The following ACOT7 variants were observed in gnomAD, a reference collection of about 807,000 sequenced individuals.
ACOT7 encodes the protein acyl-CoA thioesterase 7.
Under a neutral mutation model 40.2 loss-of-function variants are expected in ACOT7, and 12 were observed. That is an observed-to-expected ratio of 0.30 (90% CI 0.19 to 0.48). ACOT7 has a LOEUF of 0.48. ACOT7 is among the 20% of genes least tolerant of loss of function. The pLI is 0.99. For missense variants in ACOT7, 395 were observed against 530.8 expected (o/e 0.74, Z 2.51); for synonymous variants, 228 against 219.5 (o/e 1.04, Z -0.34).
rs1284265593 is a variant in ACOT7, at chr1:6,289,388, C to T, written c.829+5476G>A. On this transcript the variant is annotated intron_variant, in intron 7 of 8. Coordinates refer to ENST00000361521, the MANE Select transcript of ACOT7 (RefSeq NM_007274.4). The surrounding 1 kb of genome is among the most constrained non-coding windows in gnomAD (Gnocchi z 4.6). ...GTGCTGGGATTACAGGAGTGAGCCA[C>T]CACGCCCAGCCTGTTTTTGTTTTTT... Among the ~76,000 whole-genome samples the T allele has an allele frequency of 1.3e-5, 2 of 152,062 alleles. No homozygotes were observed. The highest frequency in any genetic ancestry group is 1.5e-5 in the Non-Finnish European group (1 of 68,022).
chr1:6,362,502 G>C (rs184899878), intron 1 of ACOT7, among the ~76,000 whole-genome samples: 56 of 151,766 alleles, frequency 3.7e-4, no homozygotes, highest in African/African-American at 1.3e-3. Flanking sequence ...TACCTACCCA[G>C]GCAGCCAAGC....
chr1:6,299,291 A>G lies in ACOT7; in HGVS notation c.713-4311T>C, dbSNP rs1639898777. 6.6e-6 allele frequency among the ~76,000 whole-genome samples: 1 copy of G among 152,274 alleles called. No individual in the cohort carries two copies. The highest frequency in any genetic ancestry group is 2.1e-4 in the South Asian group (1 of 4,832). On this transcript the variant is annotated intron_variant, in intron 6 of 8. Transcript: ENST00000361521. The surrounding 1 kb of genome is among the most constrained non-coding windows in gnomAD (Gnocchi z 4.1). ...CATGGGATGTGGGGATTTGGTGGAC[A>G]TCTGTTGAGCTGAACACTAATTTAA...
rs1641725618 is a variant in ACOT7 at position 6,355,756 on chromosome 1, A to C, written c.144-5890T>G. On this transcript the variant is annotated intron_variant, in intron 1 of 8. Transcript: ENST00000361521. The surrounding 1 kb of genome is among the most constrained non-coding windows in gnomAD (Gnocchi z 5.0). ...CTCATCACACCAGAGGCCGGCCAGC[A>C]CTCATCCCAAGAGCGCCTACAGCAG... 6.6e-6 allele frequency among the ~76,000 whole-genome samples: 1 copy of C among 152,194 alleles called. No homozygotes were observed. Among genetic ancestry groups the C allele is most frequent in the Non-Finnish European group, 1.5e-5 (1 of 68,022 alleles).
At chr1:6,276,332 G>A (rs1250002734) in intron 8 of ACOT7, among the ~76,000 whole-genome samples, 1 of 152,076 alleles carries the variant, frequency 6.6e-6, no homozygotes, top group African/African-American at 2.4e-5. Context: ...CTCCCCACAA[G>A]CCACTTCTCC....
Position 6,274,003 on chromosome 1 carries a change from C to T in ACOT7, c.1014+7099G>A, listed in dbSNP as rs1036510022. ...CCGGACCTCTCTTCTTGTCCTGGTC[C>T]GGCCTGGACACGGTCAGGAATGGCC... On this transcript the variant is annotated intron_variant, in intron 8 of 8. Transcript: ENST00000361521. The surrounding 1 kb of genome is among the most constrained non-coding windows in gnomAD (Gnocchi z 5.9). Among the ~76,000 whole-genome samples, 6 of 152,176 alleles carry T rather than the reference C, an allele frequency of 3.9e-5. No individual in the cohort carries two copies. The highest frequency in any genetic ancestry group is 1.4e-4 in the African/African-American group (6 of 41,436).
intron 6 of ACOT7, chr1:6,295,469 G>A (rs1255166137): frequency 1.3e-5 from 2 of 154,276 alleles, no homozygotes; most frequent in African/African-American, 4.8e-5. Flanking sequence ...CAGATACCCA[G>A]AAGAAATACA....
chr1:6,322,505 C>G (rs955703537), intron 5 of ACOT7, among the ~76,000 whole-genome samples: 1 of 152,218 alleles, frequency 6.6e-6, no homozygotes. Flanking sequence ...GCGCCTTAAG[C>G]GGCAGAAATT....
chr1:6,347,053 C>A (rs1477407483), intron 2 of ACOT7, among the ~76,000 whole-genome samples: 1 of 152,146 alleles, frequency 6.6e-6, no homozygotes, highest in Non-Finnish European at 1.5e-5. Flanking sequence ...GAGGCCCCAG[C>A]CAGAGACAGA....
chr1:6,376,178 C>G (rs1032093301), intron 1 of ACOT7, among the ~76,000 whole-genome samples: 2 of 151,926 alleles, frequency 1.3e-5, no homozygotes, highest in African/African-American at 4.8e-5. Flanking sequence ...TCACTTGAAC[C>G]TGGGAGTCAG....
intron 2 of ACOT7, among the ~76,000 whole-genome samples, chr1:6,344,932 T>C (rs1186692412): frequency 6.6e-6 from 1 of 152,122 alleles, no homozygotes; most frequent in Non-Finnish European, 1.5e-5. Flanking sequence ...GCTCTGTGTG[T>C]CTGATGGGTA....
Position 6,284,302 on chromosome 1 carries a change from C to T in ACOT7, c.830-3016G>A, listed in dbSNP as rs561598899. 9.5e-3 allele frequency among the ~76,000 whole-genome samples: 1,449 copies of T among 152,192 alleles called. 26 individuals are homozygous for T. The highest frequency in any genetic ancestry group is 0.032 in the African/African-American group (1,318 of 41,514). ...TGAAGAATTCCAGCTACAGACCGGG[C>T]GCAGTGGCTCATACCTGTAATCCCA... On this transcript the variant is annotated intron_variant, in intron 7 of 8. Transcript: ENST00000361521.
rs1191251708 is a variant in ACOT7, at chr1:6,359,146, C to T, written c.144-9280G>A. Reference sequence around the variant, plus strand: ...CCAGGAGATCAGGAAGGCAGAGGGGCCGCTGCTGAGCGGCCTCAGGGAAGC... The same window carrying T: ...CCAGGAGATCAGGAAGGCAGAGGGGTCGCTGCTGAGCGGCCTCAGGGAAGC... On this transcript the variant is annotated intron_variant, in intron 1 of 8. Transcript: ENST00000361521. The surrounding 1 kb of genome is among the most constrained non-coding windows in gnomAD (Gnocchi z 4.1). The T allele has an allele frequency of 6.7e-6, 2 of 298,108 alleles. No homozygotes were observed. Among genetic ancestry groups the T allele is most frequent in the South Asian group, 4.5e-5 (1 of 22,158 alleles). The allele number at this position is 298,108 out of a possible 1,614,324, so 18.5% of individuals were successfully genotyped here.
chr1:6,288,781 C>T lies in ACOT7; in HGVS notation c.829+6083G>A, dbSNP rs971755353. On this transcript the variant is annotated intron_variant, in intron 7 of 8. Transcript: ENST00000361521. The surrounding 1 kb of genome is among the most constrained non-coding windows in gnomAD (Gnocchi z 4.3). ...AGGCCTCTCCCAGCCACGACAAGTG[C>T]CCCAAGTTCGTAAGTTCCTCCTAGG... Among the ~76,000 whole-genome samples the T allele has an allele frequency of 6.6e-6, 1 of 152,206 alleles. No individual in the cohort carries two copies. The highest frequency in any genetic ancestry group is 2.4e-5 in the African/African-American group (1 of 41,464).
chr1:6,382,841 A>G (rs952368107), intron 1 of ACOT7, among the ~76,000 whole-genome samples: 2 of 151,634 alleles, frequency 1.3e-5, no homozygotes, highest in Middle Eastern at 3.2e-3. Context: ...CATCTTAACC[A>G]TATACATATA....
At chr1:6,381,236 G>A (rs1452932051) in intron 1 of ACOT7, among the ~76,000 whole-genome samples, 4 of 151,482 alleles carry the variant, frequency 2.6e-5, no homozygotes, top group Admixed American at 6.6e-5. Flanking sequence ...GATACACAAG[G>A]ATATGTATAT....
intron 1 of ACOT7, among the ~76,000 whole-genome samples, chr1:6,371,086 G>A (rs1421558388): frequency 6.6e-6 from 1 of 152,184 alleles, no homozygotes; most frequent in African/African-American, 2.4e-5. Flanking sequence ...TGGGATTACA[G>A]GCGTGAGCCA....
At chr1:6,367,661 G>A (rs955028627) in intron 1 of ACOT7, among the ~76,000 whole-genome samples, 3 of 152,300 alleles carry the variant, frequency 2.0e-5, no homozygotes, top group South Asian at 2.1e-4. Context: ...GCTTGGTGAC[G>A]CCAGGAACTG....
chr1:6,270,718 G>C (rs571138884), intron 8 of ACOT7, among the ~76,000 whole-genome samples: 1 of 152,186 alleles, frequency 6.6e-6, no homozygotes, highest in Non-Finnish European at 1.5e-5. Flanking sequence ...GAGCTCCTAC[G>C]TGTGTGTGCA....
intron 2 of ACOT7, among the ~76,000 whole-genome samples, chr1:6,343,708 A>C (rs1051430472): frequency 3.3e-5 from 5 of 152,280 alleles, no homozygotes; most frequent in African/African-American, 1.2e-4. Context: ...GGAAGGAGCC[A>C]AGCACTGTCT....
Sources: allele counts gnomAD v4.1 joint callset (sites outside exome capture counted in the v4.1 genomes callset), GRCh38; gene constraint gnomAD v4.1.1; non-coding constraint Gnocchi (gnomAD v3.1); transcripts MANE v1.5; gene names NCBI Gene and HGNC (gene_info 2026-07-23, HGNC 2026-07-21).